The following KRT36 variants were observed in gnomAD, a reference collection of about 807,000 sequenced individuals.
The protein encoded by KRT36 is keratin, type I cuticular Ha6.
In KRT36, 41 loss-of-function variants were observed where a neutral mutation model predicts 43.0. The observed-to-expected ratio is 0.95, with a 90% CI of 0.74 to 1.24. The LOEUF is 1.24. Ranked by LOEUF, KRT36 falls within the 50% of genes most tolerant of loss-of-function variation. The pLI is 0.00. For synonymous variants in KRT36, 277 were observed against 252.9 expected, an observed-to-expected ratio of 1.10 and a Z score of -0.90; for missense variants, 627 against 595.3, an observed-to-expected ratio of 1.05 and a Z score of -0.55.
Position 41,486,240 on chromosome 17 carries a change from G to C in KRT36, c.*136C>G. 6.2e-6 allele frequency: 4 copies of C among 641,778 alleles called. No homozygotes were observed. The highest frequency in any genetic ancestry group is 3.9e-5 in the South Asian group (2 of 51,058). 39.8% of individuals were successfully genotyped at this position (641,778 alleles called of 1,614,324 possible). A position where few individuals can be genotyped will look rare whatever the true frequency, so the allele number is the denominator to read the frequency against. On this transcript the variant is annotated 3_prime_UTR_variant, in exon 7 of 7. Transcript: ENST00000328119. ...GTTAAGTCCGGAAACACAATACGGG[G>C]AGTGTTTTGGTAGAAAAACCTGCTA...
Position 41,489,509 on chromosome 17 carries a change from GC to G in KRT36, c.355del (p.Ala119ArgfsTer38), listed in dbSNP as rs1230847168. 5 of 1,614,150 alleles carry G rather than the reference GC, an allele frequency of 3.1e-6. No individual in the cohort carries two copies. Among genetic ancestry groups the G allele is most frequent in the Non-Finnish European group, 4.2e-6 (5 of 1,180,040 alleles). On this transcript the variant is annotated frameshift_variant, in exon 1 of 7. Coordinates refer to ENST00000328119, the MANE Select transcript of KRT36 (RefSeq NM_003771.5). LOFTEE classifies it high-confidence loss of function. ...CTCCTGGATGCGGCTCTCCAGCTCCGCGTTCTCCCGCTCCAGCTGACGCACC... is the reference window on the plus strand; with the variant it reads ...CTCCTGGATGCGGCTCTCCAGCTCCGGTTCTCCCGCTCCAGCTGACGCACC... Reference protein sequence around the residue: ...EKVRQLERENAELESRIQEWY... With the variant: ...EKVRQLERENXELESRIQEWY...
rs1292609147 is a variant in KRT36, at chr17:41,488,337, A to C, written c.605T>G (p.Ile202Ser). The C allele has an allele frequency of 3.7e-6, 6 of 1,613,986 alleles. No homozygotes were observed. The highest frequency in any genetic ancestry group is 5.1e-6 in the Non-Finnish European group (6 of 1,180,016). The change falls in exon 3 of 7, where the codon ATC becomes AGC. Residue 202 changes from isoleucine (I) to serine (S), a missense_variant. Physicochemically the swap from Ile to Ser is moderately radical, Grantham distance 142. Coordinates refer to ENST00000328119, the MANE Select transcript of KRT36 (RefSeq NM_003771.5). ...CTTGCACAGGGTCAGCTCATCCAGG[A>C]TCCTACGCAGGCCGTTGATGTCGGC... ...VEADINGLRR[I>S]LDELTLCKAD...
Position 41,488,712 on chromosome 17 carries a change from TAGTC to T in KRT36, c.468_471del (p.Thr157SerfsTer34), listed in dbSNP as rs777059594. Reference sequence around the variant, plus strand: ...AGGACCAGCCTGGCATTCTCAGACTTAGTCAGCAGGATCTGGGGAACAAGAGGCT... The same window carrying T: ...AGGACCAGCCTGGCATTCTCAGACTTAGCAGGATCTGGGGAACAAGAGGCT... On this transcript the variant is annotated frameshift_variant, in exon 2 of 7. Coordinates refer to ENST00000328119, the MANE Select transcript of KRT36 (RefSeq NM_003771.5). LOFTEE classifies it high-confidence loss of function. 7.4e-6 allele frequency: 12 copies of T among 1,613,872 alleles called. No homozygotes were observed. The highest frequency in any genetic ancestry group is 5.5e-5 in the South Asian group (5 of 91,078).
intron 5 of KRT36, 72 bp downstream of exon 5, chr17:41,487,279 C>T: frequency 1.3e-6 from 2 of 1,580,848 alleles, no homozygotes; most frequent in Non-Finnish European, 1.7e-6. Flanking sequence ...CCATGAGAGC[C>T]TGCACGCTGA....
In KRT36 at chr17:41,486,431, A is replaced by G; in HGVS notation, c.1349T>C (p.Ile450Thr). Reference sequence around the variant, plus strand: ...GGAGGAGATGACTTTCCCATCTCTGATCTCCTCGGTGATGGTGCGGATCTG... The same window carrying G: ...GGAGGAGATGACTTTCCCATCTCTGGTCTCCTCGGTGATGGTGCGGATCTG... ...GTQIRTITEE[I>T]RDGKVISSRE... The change falls in exon 7 of 7, where the codon ATC (isoleucine) becomes ACC (threonine). Residue 450 changes from isoleucine (I) to threonine (T), a missense_variant. Ile to Thr is a moderately conservative substitution (Grantham distance 89). Transcript: ENST00000328119. 1 of 1,614,006 alleles carries G rather than the reference A, an allele frequency of 6.2e-7. No individual in the cohort carries two copies. The highest frequency in any genetic ancestry group is 8.5e-7 in the Non-Finnish European group (1 of 1,180,012).
Position 41,487,648 on chromosome 17 carries a change from C to T in KRT36, c.789G>A (p.Glu263=). The change falls in exon 4 of 7, where the codon GAG becomes GAA. Residue 263 remains glutamate (E), a synonymous_variant. Coordinates refer to ENST00000328119, the MANE Select transcript of KRT36 (RefSeq NM_003771.5). The stretch of plus-strand genomic sequence containing the variant: ...GGGCCTCGTACTGGCATCTCATATC[C>T]TCCAGGATCTTGTTGAGATCCACTG... ...APPVDLNKIL[E]DMRCQYEALV... is the part of the protein sequence containing the mutation. 1.2e-6 allele frequency: 2 copies of T among 1,614,224 alleles called. No individual in the cohort carries two copies. The highest frequency in any genetic ancestry group is 1.7e-5 in the Admixed American group (1 of 60,028).
In KRT36 at chr17:41,487,567, C is replaced by T. The variant is rs775675386; in HGVS notation, c.861+9G>A. ...AGGAGCCTGTGGTCCCAGGGCACCC[C>T]AGCCCCACCTGGGTGTTGAACCAGG... On this transcript the variant is annotated intron_variant, in intron 4 of 6. Coordinates refer to ENST00000328119, the MANE Select transcript of KRT36 (RefSeq NM_003771.5). 3.7e-6 allele frequency: 6 copies of T among 1,613,826 alleles called. No homozygotes were observed. In the South Asian group the frequency reaches 5.5e-5, roughly 15 times the overall value.
chr17:41,488,776 G>T (rs1230066588), intron 1 of KRT36, 52 bp from the exon 2 acceptor site: 1 of 1,453,158 alleles, frequency 6.9e-7, no homozygotes, highest in Non-Finnish European at 9.7e-7. Flanking sequence ...CAGTGTGGGG[G>T]CAGGTAGGGG....
At position 41,489,504 on chromosome 17, in the gene KRT36, G is replaced by C; in HGVS notation, c.361C>G (p.Leu121Val). The C allele has an allele frequency of 6.2e-7, 1 of 1,614,250 alleles. No individual in the cohort carries two copies. Among genetic ancestry groups the C allele is most frequent in the Non-Finnish European group, 8.5e-7 (1 of 1,180,040 alleles). Residue 121 changes from leucine (L) to valine (V), a missense_variant, in exon 1 of 7, where the codon CTG becomes GTG. Physicochemically the swap from Leu to Val is conservative, Grantham distance 32. Coordinates refer to ENST00000328119, the MANE Select transcript of KRT36 (RefSeq NM_003771.5). ...VRQLERENAE[L>V]ESRIQEWYEF... ...TACCACTCCTGGATGCGGCTCTCCAGCTCCGCGTTCTCCCGCTCCAGCTGA... is the reference window on the plus strand; with the variant it reads ...TACCACTCCTGGATGCGGCTCTCCACCTCCGCGTTCTCCCGCTCCAGCTGA...
In KRT36 at chr17:41,487,138, G is replaced by A. The variant is rs1480916684; in HGVS notation, c.1020C>T (p.Thr340=). ...RNSLESTLAE[T]EARYSSQLAQ... is the part of the protein sequence containing the mutation. ...CCAGCTGGGAGCTGTAGCGGGCCTC[G>A]GTTTCGGCCAGGGTGGATTCCAAGG... is the stretch of plus-strand genomic sequence containing the variant. Residue 340 remains threonine (T), a synonymous_variant, in exon 6 of 7, where the codon ACC becomes ACT. Coordinates refer to ENST00000328119, the MANE Select transcript of KRT36 (RefSeq NM_003771.5). 1 of 1,613,974 alleles carries A rather than the reference G, an allele frequency of 6.2e-7. No homozygotes were observed. Among genetic ancestry groups the A allele is most frequent in the Non-Finnish European group, 8.5e-7 (1 of 1,179,842 alleles).
chr17:41,487,582 G>A lies in KRT36; in HGVS notation c.855C>T (p.Asn285=). 1 of 1,614,070 alleles carries A rather than the reference G, an allele frequency of 6.2e-7. No homozygotes were observed. ...NNRRDVEAWF[N]TQTEELNQQV... ...CAGGGCACCCCAGCCCCACCTGGGT[G>A]TTGAACCAGGCCTCCACATCTCTGC... Residue 285 remains asparagine (N), a synonymous_variant, in exon 4 of 7, where the codon AAC becomes AAT. Coordinates refer to ENST00000328119, the MANE Select transcript of KRT36 (RefSeq NM_003771.5).
At chr17:41,488,033 CAACTT>C (rs1274349499) in intron 3 of KRT36, among the ~76,000 whole-genome samples, 1 of 152,232 alleles carries the variant, frequency 6.6e-6, no homozygotes, top group African/African-American at 2.4e-5. Context: ...CTTAGGCAAG[CAACTT>C]AACCTCTTTG....
Position 41,488,632 on chromosome 17 carries a change from G to A in KRT36, c.542+10C>T, listed in dbSNP as rs750618890. 1.1e-5 allele frequency: 18 copies of A among 1,612,984 alleles called. No individual in the cohort carries two copies. The highest frequency in any genetic ancestry group is 1.4e-5 in the Non-Finnish European group (17 of 1,179,118). ...GGCATGGCAAACCTTCCCTGATCAG[G>A]CCCACTCACTTGGTCCGGAAGTCGT... is the stretch of plus-strand genomic sequence containing the variant. On this transcript the variant is annotated intron_variant, in intron 2 of 6. Coordinates refer to ENST00000328119, the MANE Select transcript of KRT36 (RefSeq NM_003771.5).
chr17:41,486,664 T>C, intron 6 of KRT36, 93 bp from the exon 7 acceptor site: 1 of 1,038,010 alleles, frequency 9.6e-7, no homozygotes, highest in Non-Finnish European at 1.4e-6. Flanking sequence ...GCGAGACCGG[T>C]GGCCCCGGAT....
In KRT36 at chr17:41,487,406, T is replaced by A. The variant is rs139865124; in HGVS notation, c.932A>T (p.Glu311Val). ...TAGCGCGTTGACCGTACGTCTCAGC[T>A]CGATGATCTCCGTCTGGCAGCACTG... ...QLQCCQTEII[E>V]LRRTVNALEI... Residue 311 changes from glutamate to valine, a missense_variant, in exon 5 of 7, where the codon GAG becomes GTG. Physicochemically the swap from Glu to Val is moderately radical, Grantham distance 121. Coordinates refer to ENST00000328119, the MANE Select transcript of KRT36 (RefSeq NM_003771.5). 2,390 of 1,613,842 alleles carry A rather than the reference T, an allele frequency of 1.5e-3. 32 individuals are homozygous for A. The Middle Eastern group carries it at 0.034, about 23-fold the overall frequency.
intron 4 of KRT36, 42 bp downstream of exon 4, chr17:41,487,534 C>T: frequency 3.1e-6 from 5 of 1,613,020 alleles, no homozygotes; most frequent in Non-Finnish European, 4.2e-6. Context: ...CAAGGGTAAC[C>T]CCAGCCCAGG....
chr17:41,487,277 G>C, intron 5 of KRT36, 74 bp downstream of exon 5: 1 of 1,579,814 alleles, frequency 6.3e-7, no homozygotes, highest in East Asian at 2.3e-5. Context: ...CCCCATGAGA[G>C]CCTGCACGCT....
intron 1 of KRT36, 80 bp from the exon 2 acceptor site, chr17:41,488,804 A>T: frequency 2.4e-5 from 28 of 1,145,332 alleles, no homozygotes; most frequent in Non-Finnish European, 3.4e-5. Context: ...CAGCTCACAG[A>T]GGCCATGCCA....
At position 41,489,723 on chromosome 17, in the gene KRT36, A is replaced by G; in HGVS notation, c.142T>C (p.Tyr48His). The G allele has an allele frequency of 6.2e-7, 1 of 1,614,078 alleles. No homozygotes were observed. ...RVPSLAGAAG[Y>H]ISSARSGLSG... is the part of the protein sequence containing the mutation. ...AGGCCCGACCTAGCAGAAGAGATGTACCCTGCAGCACCGGCGAGACTGGGG... is the reference window on the plus strand; with the variant it reads ...AGGCCCGACCTAGCAGAAGAGATGTGCCCTGCAGCACCGGCGAGACTGGGG... The change falls in exon 1 of 7, where the codon TAC becomes CAC. Residue 48 changes from tyrosine to histidine, a missense_variant. Physicochemically the swap from Tyr to His is moderately conservative, Grantham distance 83 (BLOSUM62 2). Transcript: ENST00000328119.
Sources: gnomAD v4.1 joint callset for allele counts (sites outside exome capture counted in the v4.1 genomes callset) on GRCh38, gnomAD v4.1.1 for gene constraint, MANE v1.5 for transcripts, NCBI Gene and HGNC (gene_info 2026-07-23, HGNC 2026-07-21) for gene names.